The following GXYLT2 variants were observed in gnomAD, a reference collection of about 807,000 sequenced individuals.
The protein encoded by GXYLT2 is glucoside xylosyltransferase 2.
GXYLT2 carries 53 observed loss-of-function variants against 45.8 expected under a neutral mutation model. The observed-to-expected ratio is 1.16, with a 90% CI of 0.93 to 1.46. GXYLT2 has a LOEUF of 1.46. GXYLT2 is among the 40% of genes most tolerant of loss of function. GXYLT2 has a pLI of 0.00. For synonymous variants in GXYLT2, 219 were observed against 214.2 expected, an observed-to-expected ratio of 1.02 and a Z score of -0.19; for missense variants, 551 against 544.4, an observed-to-expected ratio of 1.01 and a Z score of -0.12.
chr3:72,922,306 C>T lies in GXYLT2; in HGVS notation c.571C>T (p.Pro191Ser), dbSNP rs1372556874. 2 of 1,613,636 alleles carry T rather than the reference C, an allele frequency of 1.2e-6. No homozygotes were observed. Among genetic ancestry groups the T allele is most frequent in the African/African-American group, 2.7e-5 (2 of 75,016 alleles). Reference sequence around the variant, plus strand: ...TCAGGAGTGGAAGAAATTGTTCAAACCCTGTGCTGCCCAGAGACTCTTTCT... The same window carrying T: ...TCAGGAGTGGAAGAAATTGTTCAAATCCTGTGCTGCCCAGAGACTCTTTCT... Reference protein sequence around the residue: ...NPQEWKKLFKPCAAQRLFLPV... With the variant: ...NPQEWKKLFKSCAAQRLFLPV... The change falls in exon 3 of 7, where the codon CCC (proline) becomes TCC (serine). Residue 191 changes from proline to serine, a missense_variant. Coordinates refer to ENST00000389617, the MANE Select transcript of GXYLT2 (RefSeq NM_001080393.2).
chr3:72,897,805 A>G (rs1419731714), intron 1 of GXYLT2, among the ~76,000 whole-genome samples: 1 of 152,210 alleles, frequency 6.6e-6, no homozygotes. Context: ...TTTTACAGCA[A>G]AATTGCTAAC....
chr3:72,962,265 AG>A lies in GXYLT2; in HGVS notation c.976+4915del, dbSNP rs1389468790. ...TAACAAATCACTGTTTCAGGAGTCT[AG>A]GAAGTTCATGAGCCCTGATGTAAAA... is the stretch of plus-strand genomic sequence containing the variant. On this transcript the variant is annotated intron_variant, in intron 5 of 6. Transcript: ENST00000389617. Among the ~76,000 whole-genome samples, 5 of 152,214 alleles carry A rather than the reference AG, an allele frequency of 3.3e-5. No homozygotes were observed. In the East Asian group the frequency reaches 7.7e-4, roughly 23 times the overall value.
chr3:72,906,468 A>G (rs990430579), intron 1 of GXYLT2, among the ~76,000 whole-genome samples: 17 of 152,094 alleles, frequency 1.1e-4, no homozygotes, highest in Admixed American at 6.6e-4. Flanking sequence ...ACTATGTATT[A>G]CCTTCATAGT....
rs1355456503 is a variant in GXYLT2 at position 72,928,955 on chromosome 3, C to T, written c.600+6620C>T. Reference sequence around the variant, plus strand: ...GCCGCCCATAGCCAGTCCTCCGTCACCACTTCACCGCGCCCTCGGTACCGC... The same window carrying T: ...GCCGCCCATAGCCAGTCCTCCGTCATCACTTCACCGCGCCCTCGGTACCGC... On this transcript the variant is annotated intron_variant, in intron 3 of 6. Coordinates refer to ENST00000389617, the MANE Select transcript of GXYLT2 (RefSeq NM_001080393.2). 3.8e-6 allele frequency: 3 copies of T among 798,930 alleles called. No homozygotes were observed. In the African/African-American group the frequency reaches 5.1e-5, roughly 14 times the overall value. The allele number at this position is 798,930 out of a possible 1,614,324, so 49.5% of individuals were successfully genotyped here.
intron 2 of GXYLT2, among the ~76,000 whole-genome samples, chr3:72,913,464 G>T (rs1015951521): frequency 2.6e-5 from 4 of 151,872 alleles, no homozygotes; most frequent in African/African-American, 9.7e-5. Context: ...GGAGGCCAAG[G>T]CCAGTGGATC....
At chr3:72,965,832 C>T (rs182923216) in intron 5 of GXYLT2, among the ~76,000 whole-genome samples, 107 of 152,298 alleles carry the variant, frequency 7.0e-4, no homozygotes, top group African/African-American at 2.5e-3. Flanking sequence ...TGGTTGAGAA[C>T]CAACCAGGGT....
At chr3:72,952,720 G>C (rs748657265) in intron 3 of GXYLT2, among the ~76,000 whole-genome samples, 3 of 152,120 alleles carry the variant, frequency 2.0e-5, no homozygotes, top group South Asian at 4.1e-4. Flanking sequence ...ATGGCAGAGA[G>C]AGAGAGAGCA....
At chr3:72,903,393 G>A (rs1053072317) in intron 1 of GXYLT2, among the ~76,000 whole-genome samples, 2 of 152,180 alleles carry the variant, frequency 1.3e-5, no homozygotes, top group African/African-American at 2.4e-5. Flanking sequence ...AAGGATCATA[G>A]ATATTAACCC....
chr3:72,904,849 T>A (rs552502567), intron 1 of GXYLT2, among the ~76,000 whole-genome samples: 1 of 140,420 alleles, frequency 7.1e-6, no homozygotes, highest in African/African-American at 2.7e-5. Flanking sequence ...GAGACCAGCC[T>A]GGCAAAACCC....
chr3:72,964,291 G>T (rs2107151814), intron 5 of GXYLT2, among the ~76,000 whole-genome samples: 1 of 152,064 alleles, frequency 6.6e-6, no homozygotes, highest in Middle Eastern at 3.4e-3. Context: ...CTCTAAGGAG[G>T]TTGCAAAGAG....
chr3:72,969,963 T>A (rs1710955882), intron 6 of GXYLT2, among the ~76,000 whole-genome samples: 1 of 144,414 alleles, frequency 6.9e-6, no homozygotes. Flanking sequence ...ATGCCTGTAA[T>A]CCCAGCACTT....
chr3:72,948,402 A>C (rs1420903237), intron 3 of GXYLT2, among the ~76,000 whole-genome samples: 1 of 152,232 alleles, frequency 6.6e-6, no homozygotes, highest in Non-Finnish European at 1.5e-5. Flanking sequence ...AAAAGATGGC[A>C]ATCCTGCAGT....
intron 3 of GXYLT2, 119 bp from the exon 4 acceptor site, chr3:72,954,979 C>T (rs1052375452): frequency 2.2e-5 from 22 of 986,720 alleles, no homozygotes; most frequent in Middle Eastern, 2.4e-4. Flanking sequence ...GAATTTAATA[C>T]GAATCAACAA....
chr3:72,947,346 A>G (rs1710430395), intron 3 of GXYLT2, among the ~76,000 whole-genome samples: 1 of 152,152 alleles, frequency 6.6e-6, no homozygotes. Context: ...TGACGGTAAT[A>G]GAGCAGTAAT....
At chr3:72,903,697 G>T (rs1709448853) in intron 1 of GXYLT2, among the ~76,000 whole-genome samples, 1 of 152,166 alleles carries the variant, frequency 6.6e-6, no homozygotes, top group Non-Finnish European at 1.5e-5. Context: ...GAATGGTCAG[G>T]ATTTGGGTAA....
At chr3:72,901,846 C>A (rs1709415814) in intron 1 of GXYLT2, among the ~76,000 whole-genome samples, 2 of 152,128 alleles carry the variant, frequency 1.3e-5, no homozygotes, top group Non-Finnish European at 1.5e-5. Context: ...CAGGGGTGAG[C>A]CACCGCACCC....
intron 3 of GXYLT2, among the ~76,000 whole-genome samples, chr3:72,944,178 C>T (rs946373996): frequency 4.6e-5 from 7 of 151,934 alleles, no homozygotes; most frequent in Non-Finnish European, 1.0e-4. Context: ...GCCTCAACCT[C>T]CTGGGTTCAA....
chr3:72,938,351 T>C (rs1021016116), intron 3 of GXYLT2, among the ~76,000 whole-genome samples: 1 of 152,138 alleles, frequency 6.6e-6, no homozygotes, highest in Non-Finnish European at 1.5e-5. Context: ...AGATATAACT[T>C]ATAAAAGTGC....
intron 2 of GXYLT2, among the ~76,000 whole-genome samples, chr3:72,915,356 CG>C (rs549040869): frequency 0.037 from 650 of 17,458 alleles, 11 homozygotes; most frequent in East Asian, 0.093. Flanking sequence ...TTTTTTTTTG[CG>C]GGGGGGGGGG....
Sources: gnomAD v4.1 joint callset for allele counts (sites outside exome capture counted in the v4.1 genomes callset) on GRCh38, gnomAD v4.1.1 for gene constraint, MANE v1.5 for transcripts, NCBI Gene and HGNC (gene_info 2026-07-23, HGNC 2026-07-21) for gene names.